Variants in TPTE observed in about 807,000 individuals in gnomAD.
TPTE encodes the protein putative tyrosine-protein phosphatase TPTE.
In TPTE, 59 loss-of-function variants were observed where a neutral mutation model predicts 84.1. The ratio of observed to expected loss-of-function variants is 0.70; its 90% confidence interval spans 0.57 to 0.87. The LOEUF (loss-of-function observed/expected upper bound fraction) is 0.87, where lower values mean the gene tolerates loss of function less well. Among genes scored for constraint, TPTE ranks in the 40% least tolerant of loss-of-function variants. TPTE has a pLI of 0.00. For missense variants in TPTE, 382 were observed against 659.6 expected (o/e 0.58, Z 4.61); for synonymous variants, 130 against 223.5 (o/e 0.58, Z 3.73).
intron 3 of TPTE, among the ~76,000 whole-genome samples, chr21:10,530,938 T>C (rs551676968): frequency 7.2e-5 from 11 of 152,428 alleles, no homozygotes; most frequent in South Asian, 6.2e-4. Flanking sequence ...TATGTTCTTA[T>C]AGCATTTGGG....
chr21:10,565,841 T>G (rs2074909711), intron 10 of TPTE, among the ~76,000 whole-genome samples: 1 of 152,306 alleles, frequency 6.6e-6, no homozygotes, highest in African/African-American at 2.4e-5. Context: ...CCTCTCACCA[T>G]ATACAAAAAT....
At chr21:10,576,855 A>G (rs1415873581) in intron 14 of TPTE, among the ~76,000 whole-genome samples, 6 of 64,788 alleles carry the variant, frequency 9.3e-5, no homozygotes, top group African/African-American at 6.1e-4. Flanking sequence ...ATATATATAT[A>G]TATATATATA....
chr21:10,604,886 T>C (rs1340833095), intron 23 of TPTE, among the ~76,000 whole-genome samples: 16 of 152,388 alleles, frequency 1.0e-4, no homozygotes, highest in African/African-American at 3.8e-4. Flanking sequence ...TGTTATGAGA[T>C]TGTTGTTTAG....
intron 2 of TPTE, among the ~76,000 whole-genome samples, chr21:10,526,107 C>T (rs1377905446): frequency 1.3e-5 from 2 of 152,310 alleles, no homozygotes; most frequent in Admixed American, 6.5e-5. Context: ...AATTATTCAT[C>T]CTGCTGAAAA....
chr21:10,576,174 C>T (rs1369496087), intron 14 of TPTE: 4 of 162,078 alleles, frequency 2.5e-5, no homozygotes, highest in African/African-American at 9.6e-5. Flanking sequence ...GACATGGAAT[C>T]AACCTAAATG....
At chr21:10,590,063 G>T (rs1431926366) in intron 17 of TPTE, among the ~76,000 whole-genome samples, 2 of 152,306 alleles carry the variant, frequency 1.3e-5, no homozygotes, top group African/African-American at 4.8e-5. Context: ...ATGTGAGACT[G>T]GTGTAAAAAT....
chr21:10,534,298 G>A (rs1185320902), intron 3 of TPTE, among the ~76,000 whole-genome samples: 2 of 152,308 alleles, frequency 1.3e-5, no homozygotes, highest in East Asian at 3.8e-4. Context: ...GCCCAAGGAT[G>A]GCTCTTCAGC....
At chr21:10,573,239 A>G (rs2075081876) in intron 14 of TPTE, among the ~76,000 whole-genome samples, 1 of 152,310 alleles carries the variant, frequency 6.6e-6, no homozygotes, top group Non-Finnish European at 1.5e-5. Context: ...AACTGTATGA[A>G]GAGACAAAGA....
intron 8 of TPTE, among the ~76,000 whole-genome samples, chr21:10,558,379 T>C (rs1188151407): frequency 6.6e-6 from 1 of 152,302 alleles, no homozygotes; most frequent in Non-Finnish European, 1.5e-5. Flanking sequence ...ACAATGTATA[T>C]GTGTTCCCTT....
chr21:10,548,544 G>A (rs573103352), intron 7 of TPTE, among the ~76,000 whole-genome samples: 2 of 152,420 alleles, frequency 1.3e-5, no homozygotes, highest in South Asian at 2.1e-4. Context: ...GAGCAGCAGT[G>A]TGCACACATC....
chr21:10,538,309 A>G (rs2074304408), intron 3 of TPTE, among the ~76,000 whole-genome samples: 1 of 152,310 alleles, frequency 6.6e-6, no homozygotes, highest in East Asian at 1.9e-4. Flanking sequence ...GAGACAATCA[A>G]GTGAAGAAGT....
chr21:10,522,213 C>T (rs1568945638), intron 1 of TPTE, among the ~76,000 whole-genome samples: 1 of 152,406 alleles, frequency 6.6e-6, no homozygotes, highest in Admixed American at 6.5e-5. Context: ...GCCCCCTCCC[C>T]AGCTGGCTCC....
intron 21 of TPTE, among the ~76,000 whole-genome samples, 168 bp from the exon 22 acceptor site, chr21:10,601,890 A>G (rs1314829306): frequency 1.4e-4 from 21 of 152,270 alleles, no homozygotes; most frequent in Non-Finnish European, 1.2e-4. Context: ...CGCATAAACA[A>G]CAGTATTGCA....
chr21:10,538,243 T>C (rs2074303182), intron 3 of TPTE, among the ~76,000 whole-genome samples: 1 of 152,306 alleles, frequency 6.6e-6, no homozygotes. Context: ...ACCATCATAT[T>C]GGATTGTGTG....
At chr21:10,586,624 TA>T (rs1456478278) in intron 17 of TPTE, among the ~76,000 whole-genome samples, 4 of 152,302 alleles carry the variant, frequency 2.6e-5, no homozygotes, top group African/African-American at 9.6e-5. Flanking sequence ...GATTGAATTT[TA>T]ATAATATAAT....
At chr21:10,544,087 T>C (rs1272853722) in intron 7 of TPTE, among the ~76,000 whole-genome samples, 1 of 152,312 alleles carries the variant, frequency 6.6e-6, no homozygotes, top group Non-Finnish European at 1.5e-5. Flanking sequence ...CCCAGTCATG[T>C]GAAAACCTCT....
At chr21:10,562,118 G>A (rs1440711221) in intron 10 of TPTE, among the ~76,000 whole-genome samples, 2 of 152,308 alleles carry the variant, frequency 1.3e-5, no homozygotes, top group South Asian at 2.1e-4. Context: ...AATTATCCTG[G>A]ATCTTGTCCA....
At chr21:10,540,753 G>A in intron 4 of TPTE, 1 of 520,686 alleles carries the variant, frequency 1.9e-6, no homozygotes, top group Non-Finnish European at 3.8e-6. Flanking sequence ...AAAGTGAGGA[G>A]GTGATTGGAG....
At chr21:10,523,862 G>A (rs1287002216) in intron 1 of TPTE, among the ~76,000 whole-genome samples, 285 of 152,262 alleles carry the variant, frequency 1.9e-3, no homozygotes, top group African/African-American at 6.3e-3. Context: ...AGATCCCTGA[G>A]GAATCGCCAC....
Sources: allele counts gnomAD v4.1 joint callset (sites outside exome capture counted in the v4.1 genomes callset), GRCh38; gene constraint gnomAD v4.1.1; transcripts MANE v1.5; gene names NCBI Gene and HGNC (gene_info 2026-07-23, HGNC 2026-07-21).